ROBO1: variants seen among roughly 807,000 people sequenced by gnomAD.
ROBO1 encodes roundabout homolog 1.
In ROBO1, 149 loss-of-function variants were observed where a neutral mutation model predicts 195.9. That is an observed-to-expected ratio of 0.76 (90% confidence interval 0.67 to 0.87). The LOEUF is 0.87. ROBO1 is among the 40% of genes least tolerant of loss of function. The pLI is 0.00. For missense variants in ROBO1, 1,933 were observed against 2,068.3 expected (o/e 0.93, Z 1.27); for synonymous variants, 816 against 733.2 (o/e 1.11, Z -1.82).
chr3:79,041,392 G>A (rs549273363), intron 3 of ROBO1, among the ~76,000 whole-genome samples: 3 of 151,950 alleles, frequency 2.0e-5, no homozygotes, highest in South Asian at 4.1e-4. Flanking sequence ...TCTTAAAGAT[G>A]TAAATATTTG....
chr3:79,440,336 T>G (rs568257338), intron 2 of ROBO1, among the ~76,000 whole-genome samples: 1 of 152,214 alleles, frequency 6.6e-6, no homozygotes, highest in Non-Finnish European at 1.5e-5. Flanking sequence ...CACTGCCACT[T>G]ACCCGTCATA....
chr3:78,809,520 A>G (rs1356162158), intron 4 of ROBO1, among the ~76,000 whole-genome samples: 2 of 152,208 alleles, frequency 1.3e-5, no homozygotes, highest in African/African-American at 4.8e-5. Flanking sequence ...AAATCATTCT[A>G]CTATAAAGAC....
chr3:79,384,037 T>C (rs1232079591), intron 2 of ROBO1, among the ~76,000 whole-genome samples: 2 of 151,970 alleles, frequency 1.3e-5, no homozygotes, highest in Non-Finnish European at 2.9e-5. Flanking sequence ...ATGGGCTGGG[T>C]ATATCACATA....
intron 3 of ROBO1, among the ~76,000 whole-genome samples, chr3:79,052,650 T>C (rs1269936102): frequency 6.6e-6 from 1 of 152,114 alleles, no homozygotes; most frequent in East Asian, 1.9e-4. Flanking sequence ...AATTTCTCTC[T>C]TTTGTGCTCT....
chr3:79,038,744 C>T (rs1484315859), intron 3 of ROBO1, among the ~76,000 whole-genome samples: 2 of 151,740 alleles, frequency 1.3e-5, no homozygotes, highest in African/African-American at 4.8e-5. Context: ...TCCCTAACAT[C>T]GCATCTGGTA....
chr3:78,916,058 T>C (rs1026310382), intron 4 of ROBO1, among the ~76,000 whole-genome samples: 4 of 149,472 alleles, frequency 2.7e-5, no homozygotes, highest in East Asian at 2.0e-4. Flanking sequence ...GAGACCATCC[T>C]GGCTAACACA....
At chr3:78,914,038 A>T (rs2038410717) in intron 4 of ROBO1, among the ~76,000 whole-genome samples, 3 of 152,192 alleles carry the variant, frequency 2.0e-5, no homozygotes, top group African/African-American at 7.2e-5. Context: ...AGGGCAAGGG[A>T]AAACCAATTC....
Position 79,380,283 on chromosome 3 carries a change from C to A in ROBO1, c.88+209541G>T, listed in dbSNP as rs73848870. ...TTTCTTTGTAAAACTCTATCTTTCC[C>A]AAGATTATACAGTTAATCCCTCTAT... On this transcript the variant is annotated intron_variant, in intron 2 of 30. Coordinates refer to ENST00000464233, the MANE Select transcript of ROBO1 (RefSeq NM_002941.4). Among the ~76,000 whole-genome samples the A allele has an allele frequency of 3.7e-3, 562 of 152,148 alleles. 2 individuals carry two copies. Among genetic ancestry groups the A allele is most frequent in the African/African-American group, 0.013 (539 of 41,528 alleles).
chr3:78,946,639 A>G (rs2040461520), intron 3 of ROBO1, among the ~76,000 whole-genome samples: 1 of 152,222 alleles, frequency 6.6e-6, no homozygotes, highest in African/African-American at 2.4e-5. Context: ...ACCAGCTAAC[A>G]TCATAATGAC....
intron 3 of ROBO1, among the ~76,000 whole-genome samples, chr3:79,007,061 T>A (rs1413102087): frequency 1.3e-5 from 2 of 152,082 alleles, no homozygotes; most frequent in East Asian, 3.9e-4. Context: ...GCTAATTAGA[T>A]ATATTGAAAA....
At chr3:79,264,458 G>A (rs898652346) in intron 2 of ROBO1, among the ~76,000 whole-genome samples, 6 of 150,820 alleles carry the variant, frequency 4.0e-5, no homozygotes, top group Admixed American at 6.6e-5. Flanking sequence ...CTTTCCCTTC[G>A]CCTATTCATG....
intron 3 of ROBO1, among the ~76,000 whole-genome samples, chr3:79,033,835 C>A (rs2078337056): frequency 6.6e-6 from 1 of 152,096 alleles, no homozygotes. Context: ...TCTCAAAGTG[C>A]TTTTTCTGGA....
intron 2 of ROBO1, among the ~76,000 whole-genome samples, chr3:79,305,158 G>A (rs945480172): frequency 1.3e-5 from 2 of 152,080 alleles, no homozygotes; most frequent in Admixed American, 6.5e-5. Context: ...CACACTTTGA[G>A]GCAGGTTGAG....
intron 2 of ROBO1, among the ~76,000 whole-genome samples, chr3:79,365,142 T>C (rs2035921517): frequency 6.6e-6 from 1 of 152,204 alleles, no homozygotes; most frequent in South Asian, 2.1e-4. Flanking sequence ...AGTTTACTTA[T>C]TGGTTCCCTC....
intron 4 of ROBO1, among the ~76,000 whole-genome samples, chr3:78,879,588 G>C (rs1014435873): frequency 6.6e-6 from 1 of 151,058 alleles, no homozygotes; most frequent in Non-Finnish European, 1.5e-5. Flanking sequence ...GATTAGAACC[G>C]CAGACGCTTT....
intron 28 of ROBO1, among the ~76,000 whole-genome samples, chr3:78,607,634 C>T (rs1170224607): frequency 6.6e-6 from 1 of 152,168 alleles, no homozygotes; most frequent in African/African-American, 2.4e-5. Context: ...GTAACTTTCT[C>T]TCTCCCAAGT....
At chr3:78,847,577 C>A (rs2033753136) in intron 4 of ROBO1, among the ~76,000 whole-genome samples, 1 of 152,150 alleles carries the variant, frequency 6.6e-6, no homozygotes, top group Admixed American at 6.6e-5. Flanking sequence ...TGTAAGACTT[C>A]CCTTTTCAAA....
chr3:79,459,835 C>A (rs74519077), intron 2 of ROBO1, among the ~76,000 whole-genome samples: 1 of 151,962 alleles, frequency 6.6e-6, no homozygotes, highest in South Asian at 2.1e-4. Flanking sequence ...TACTTTGACC[C>A]GGAACCTGGC....
At chr3:78,799,497 A>G (rs2084294316) in intron 4 of ROBO1, among the ~76,000 whole-genome samples, 2 of 151,818 alleles carry the variant, frequency 1.3e-5, no homozygotes, top group African/African-American at 2.4e-5. Context: ...GCCCACCACC[A>G]TGCCCGGCTA....
Sources: gnomAD v4.1 joint callset for allele counts (sites outside exome capture counted in the v4.1 genomes callset) on GRCh38, gnomAD v4.1.1 for gene constraint, MANE v1.5 for transcripts, NCBI Gene and HGNC (gene_info 2026-07-23, HGNC 2026-07-21) for gene names.